KLC1: variants seen among roughly 807,000 people sequenced by gnomAD.
KLC1 encodes the protein kinesin 2 60/70kDa.
In KLC1, 30 loss-of-function variants were observed where a neutral mutation model predicts 84.2. The observed-to-expected ratio is 0.36, with a 90% confidence interval of 0.27 to 0.48. KLC1 has a LOEUF of 0.48. KLC1 is among the 20% of genes least tolerant of loss of function. The pLI is 0.99. For missense variants in KLC1, 499 were observed against 805.4 expected (o/e 0.62, Z 4.60); for synonymous variants, 289 against 293.3 (o/e 0.99, Z 0.15).
Position 103,662,671 on chromosome 14 carries a change from A to T in KLC1, c.572-31A>T, listed in dbSNP as rs776798922. 4 of 1,492,302 alleles carry T rather than the reference A, an allele frequency of 2.7e-6. No homozygotes were observed. The South Asian group carries it at 5.1e-5, about 19-fold the overall frequency. The allele number at this position is 1,492,302 out of a possible 1,614,324, so 92.4% of individuals were successfully genotyped here. On this transcript the variant is annotated intron_variant, in intron 4 of 16. Coordinates refer to ENST00000334553, the MANE Select transcript of KLC1 (RefSeq NM_001394837.1). ...ACTCATCTGGATAATTGTCTTTAAA[A>T]ACCCATCTGAAGTGAACTTTCTCGG...
At chr14:103,668,802 C>T (rs2080120845) in intron 5 of KLC1, among the ~76,000 whole-genome samples, 1 of 144,572 alleles carries the variant, frequency 6.9e-6, no homozygotes, top group African/African-American at 2.6e-5. Flanking sequence ...TTTTTTGAGA[C>T]AGTCTCACTC....
rs934173091 is a variant in KLC1, at chr14:103,673,278, A to G, written c.1162-54A>G. On this transcript the variant is annotated intron_variant, in intron 8 of 16. Transcript: ENST00000334553. ...CTCATTTAACTGGAGATTAAAATGTATGCTTTATTTACATCTGAAAGATAT... is the reference window on the plus strand; with the variant it reads ...CTCATTTAACTGGAGATTAAAATGTGTGCTTTATTTACATCTGAAAGATAT... 18 of 1,552,040 alleles carry G rather than the reference A, an allele frequency of 1.2e-5. No homozygotes were observed. In the East Asian group the frequency reaches 1.6e-4, roughly 14 times the overall value.
chr14:103,660,043 C>G (rs1432203944), intron 3 of KLC1, among the ~76,000 whole-genome samples: 2 of 152,146 alleles, frequency 1.3e-5, no homozygotes, highest in African/African-American at 4.8e-5. Flanking sequence ...GGTTTCATCT[C>G]TAAATACCAT....
chr14:103,701,105 G>A lies in KLC1; in HGVS notation c.*2-96G>A, dbSNP rs954027834. The A allele has an allele frequency of 3.5e-6, 5 of 1,446,560 alleles. No homozygotes were observed. In the Admixed American group the frequency reaches 9.9e-5, roughly 29 times the overall value. The allele number at this position is 1,446,560 out of a possible 1,614,324, so 89.6% of individuals were successfully genotyped here. The stretch of plus-strand genomic sequence containing the variant: ...ACACCCTCTTCTCTAGGCAGACTTG[G>A]GGTGGGGGTTCCCCAGAGAGCTGTT... On this transcript the variant is annotated intron_variant, in intron 16 of 16. Transcript: ENST00000334553.
intron 5 of KLC1, among the ~76,000 whole-genome samples, chr14:103,665,113 C>T (rs1207861490): frequency 6.6e-6 from 1 of 151,532 alleles, no homozygotes. Context: ...TACCTTTCAG[C>T]TTGTTATTTC....
At chr14:103,643,282 G>A (rs975397911) in intron 1 of KLC1, among the ~76,000 whole-genome samples, 5 of 152,144 alleles carry the variant, frequency 3.3e-5, no homozygotes, top group Admixed American at 6.6e-5. Flanking sequence ...CTTGGAGTGT[G>A]GGCTGCACTT....
intron 9 of KLC1, 85 bp from the exon 10 acceptor site, chr14:103,675,467 C>A: frequency 1.7e-6 from 2 of 1,182,968 alleles, no homozygotes; most frequent in South Asian, 2.7e-5. Flanking sequence ...ACTTGACACT[C>A]AAAGGAAATT....
Position 103,700,650 on chromosome 14 carries a change from T to C in KLC1, c.1849-5T>C, listed in dbSNP as rs1049927458. 6 of 1,606,130 alleles carry C rather than the reference T, an allele frequency of 3.7e-6. No individual in the cohort carries two copies. The African/African-American group carries it at 5.4e-5, about 14-fold the overall frequency. ...GAGTGAAACTCGTCTGTGCTTCATC[T>C]CCAGGGCGTCTCTGGCCGAGCCTCT... On this transcript the variant is annotated splice_region_variant and splice_polypyrimidine_tract_variant and intron_variant, in intron 15 of 16. Transcript: ENST00000334553.
intron 1 of KLC1, among the ~76,000 whole-genome samples, chr14:103,634,574 ATC>A (rs796154674): frequency 6.6e-6 from 1 of 152,216 alleles, no homozygotes; most frequent in African/African-American, 2.4e-5. Context: ...TGTGATGTCC[ATC>A]TGGTAGAGAT....
intron 1 of KLC1, among the ~76,000 whole-genome samples, chr14:103,638,345 A>G (rs1026616918): frequency 5.9e-5 from 9 of 152,026 alleles, no homozygotes; most frequent in Non-Finnish European, 1.0e-4. Context: ...ACCCAGACCT[A>G]TTGCTTTTTC....
chr14:103,679,583 C>T lies in KLC1; in HGVS notation c.1650+38C>T, dbSNP rs750793883. 2.4e-5 allele frequency: 37 copies of T among 1,542,126 alleles called. 1 individual carries two copies. The South Asian group carries it at 3.7e-4, about 16-fold the overall frequency. Reference sequence around the variant, plus strand: ...CACAGCGGGCACGTGCTCCGGGAGGCGCCCCCAAGTGGCGCTTGCCAGGCC... The same window carrying T: ...CACAGCGGGCACGTGCTCCGGGAGGTGCCCCCAAGTGGCGCTTGCCAGGCC... On this transcript the variant is annotated intron_variant, in intron 13 of 16. Coordinates refer to ENST00000334553, the MANE Select transcript of KLC1 (RefSeq NM_001394837.1).
chr14:103,646,657 A>G (rs78024902), intron 1 of KLC1, among the ~76,000 whole-genome samples: 117 of 151,496 alleles, frequency 7.7e-4, no homozygotes, highest in African/African-American at 2.7e-3. Context: ...TTTCTTTTTG[A>G]AAAGATGGGA....
intron 1 of KLC1, among the ~76,000 whole-genome samples, chr14:103,651,260 G>A (rs909042632): frequency 1.3e-5 from 2 of 152,172 alleles, no homozygotes; most frequent in South Asian, 2.1e-4. Flanking sequence ...CGCCAGCCTC[G>A]GCCTCCCAGA....
intron 14 of KLC1, among the ~76,000 whole-genome samples, chr14:103,689,280 A>G (rs1380780826): frequency 2.0e-5 from 3 of 152,174 alleles, no homozygotes; most frequent in African/African-American, 7.2e-5. Flanking sequence ...CCCACATGAC[A>G]GCTCTCAGAG....
intron 1 of KLC1, among the ~76,000 whole-genome samples, chr14:103,644,916 T>G (rs1335715562): frequency 6.7e-6 from 1 of 149,826 alleles, no homozygotes; most frequent in Middle Eastern, 3.6e-3. Flanking sequence ...CCAGATTTCT[T>G]TCTTTAGTTC....
chr14:103,656,465 A>G (rs1479892271), intron 2 of KLC1, among the ~76,000 whole-genome samples: 1 of 152,210 alleles, frequency 6.6e-6, no homozygotes, highest in Non-Finnish European at 1.5e-5. Flanking sequence ...ATCTTAGGTA[A>G]AATTAAATAT....
intron 3 of KLC1, among the ~76,000 whole-genome samples, chr14:103,658,985 C>G: frequency 7.0e-6 from 1 of 142,550 alleles, no homozygotes; most frequent in East Asian, 2.1e-4. Flanking sequence ...TTTTTTTTTA[C>G]TTTTTTTTTG....
chr14:103,631,204 C>G (rs999653029), intron 1 of KLC1, among the ~76,000 whole-genome samples: 5 of 151,938 alleles, frequency 3.3e-5, no homozygotes, highest in Non-Finnish European at 5.9e-5. Context: ...CCTCAACCTA[C>G]TGAGTAGCTG....
At chr14:103,685,061 G>A in intron 13 of KLC1, 1 of 1,548,716 alleles carries the variant, frequency 6.5e-7, no homozygotes, top group Non-Finnish European at 8.7e-7. Context: ...GCGGGGCGCA[G>A]GCCCTGCCGT....
Sources: gnomAD v4.1 joint callset for allele counts (sites outside exome capture counted in the v4.1 genomes callset) on GRCh38, gnomAD v4.1.1 for gene constraint, MANE v1.5 for transcripts, NCBI Gene and HGNC (gene_info 2026-07-23, HGNC 2026-07-21) for gene names.